TP63: variants seen among roughly 807,000 people sequenced by gnomAD.
The protein encoded by TP63 is tumor protein p63.
A neutral mutation model predicts 82.8 loss-of-function variants in TP63; 17 were observed. The observed-to-expected ratio is 0.21, with a 90% CI of 0.14 to 0.31. The LOEUF is 0.31. Ranked by LOEUF, TP63 falls within the 10% of genes least tolerant of loss-of-function variation. TP63 has a pLI of 1.00. For synonymous variants in TP63, 330 were observed against 321.7 expected (o/e 1.03, Z -0.28); for missense variants, 648 against 895.3 (o/e 0.72, Z 3.52).
the TP63 span, among the ~76,000 whole-genome samples, chr3:189,622,306 TTGAC>T: frequency 1.3e-5 from 2 of 152,208 alleles, no homozygotes; most frequent in Non-Finnish European, 2.9e-5. Flanking sequence ...TCTGAGATTT[TTGAC>T]TGCGCACAAA....
At chr3:189,642,211 T>A (rs756091303) in intron 1 of TP63, among the ~76,000 whole-genome samples, 13 of 152,224 alleles carry the variant, frequency 8.5e-5, no homozygotes, top group Admixed American at 2.6e-4. Context: ...TTAGCACTTT[T>A]TATTAACTAG....
At chr3:189,804,377 G>T (rs545618061) in intron 3 of TP63, among the ~76,000 whole-genome samples, 1 of 152,282 alleles carries the variant, frequency 6.6e-6, no homozygotes, top group South Asian at 2.1e-4. Context: ...GTCACACAGG[G>T]CCCTATCTTA....
At chr3:189,716,755 A>G (rs1361368824) in intron 1 of TP63, among the ~76,000 whole-genome samples, 2 of 151,690 alleles carry the variant, frequency 1.3e-5, no homozygotes, top group African/African-American at 4.8e-5. Context: ...CTACTTCATG[A>G]TAAGCACTTT....
intron 10 of TP63, among the ~76,000 whole-genome samples, chr3:189,882,282 A>G (rs547655695): frequency 1.3e-5 from 2 of 152,216 alleles, no homozygotes; most frequent in Admixed American, 6.5e-5. Flanking sequence ...TGACTTGTAT[A>G]TAAATGCACA....
At chr3:189,811,798 A>G (rs530224961) in intron 4 of TP63, among the ~76,000 whole-genome samples, 1 of 152,298 alleles carries the variant, frequency 6.6e-6, no homozygotes, top group Admixed American at 6.5e-5. Context: ...CCCTAATTCA[A>G]GTCTCTCCAC....
intron 3 of TP63, among the ~76,000 whole-genome samples, chr3:189,790,719 G>A (rs1001359591): frequency 2.0e-5 from 3 of 152,078 alleles, no homozygotes; most frequent in African/African-American, 7.2e-5. Flanking sequence ...GGGTTGTGGT[G>A]GGGAGTGTTG....
chr3:189,707,222 T>C (rs1365820324), intron 1 of TP63, among the ~76,000 whole-genome samples: 12 of 152,246 alleles, frequency 7.9e-5, no homozygotes, highest in Admixed American at 7.9e-4. Context: ...TTCTGTTCCT[T>C]TTCAAAATCT....
intron 1 of TP63, among the ~76,000 whole-genome samples, chr3:189,720,425 C>T (rs745764325): frequency 6.6e-6 from 1 of 152,136 alleles, no homozygotes; most frequent in Admixed American, 6.6e-5. Context: ...GCCTTAAAGA[C>T]CATCCTGTCT....
chr3:189,880,718 G>T, intron 10 of TP63: 2 of 985,402 alleles, frequency 2.0e-6, no homozygotes, highest in African/African-American at 1.7e-5. Context: ...AGAAACGAAG[G>T]TGTCAAGTGT....
chr3:189,864,541 CTT>C (rs10714778), intron 5 of TP63, 123 bp downstream of exon 5: 21,785 of 211,604 alleles, frequency 0.1, 3 homozygotes, highest in Middle Eastern at 0.15. Context: ...ATCAGTCTGC[CTT>C]TTTTTTTTTT....
the TP63 span, among the ~76,000 whole-genome samples, chr3:189,612,611 G>C: frequency 2.0e-5 from 3 of 152,228 alleles, no homozygotes; most frequent in Admixed American, 2.0e-4. Context: ...AAATGTGGAA[G>C]TGACTTTGGA....
At chr3:189,782,989 C>G (rs184061103) in intron 3 of TP63, among the ~76,000 whole-genome samples, 267 of 152,008 alleles carry the variant, frequency 1.8e-3, no homozygotes, top group Non-Finnish European at 3.3e-3. Context: ...ATCTATCAGG[C>G]TTTAAAATAT....
Position 189,894,576 on chromosome 3 carries a change from A to G in TP63, c.*74A>G. 1 of 1,557,694 alleles carries G rather than the reference A, an allele frequency of 6.4e-7. No homozygotes were observed. Among genetic ancestry groups the G allele is most frequent in the Non-Finnish European group, 8.7e-7 (1 of 1,145,590 alleles). On this transcript the variant is annotated 3_prime_UTR_variant, in exon 14 of 14. Coordinates refer to ENST00000264731, the MANE Select transcript of TP63 (RefSeq NM_003722.5). ...TAAAAGCACTCCTGCTTAATCTTCA[A>G]AGCCTTCTCCCTAGCTCCTCCCCTT...
At chr3:189,658,263 A>G (rs1713564721) in intron 1 of TP63, among the ~76,000 whole-genome samples, 1 of 152,116 alleles carries the variant, frequency 6.6e-6, no homozygotes, top group Non-Finnish European at 1.5e-5. Context: ...CCACACTAAT[A>G]TGAATAAATT....
upstream of TP63, among the ~76,000 whole-genome samples, chr3:189,628,458 C>T (rs1729367132): frequency 6.6e-6 from 1 of 152,050 alleles, no homozygotes; most frequent in Non-Finnish European, 1.5e-5. Flanking sequence ...TCCTAGGAGT[C>T]AAGAAGAACA....
chr3:189,864,791 G>A (rs1255251112), intron 5 of TP63, among the ~76,000 whole-genome samples: 1 of 151,970 alleles, frequency 6.6e-6, no homozygotes, highest in East Asian at 1.9e-4. Flanking sequence ...CAGATCATGA[G>A]GTCAGGAGAT....
chr3:189,838,913 A>G lies in TP63; in HGVS notation c.580-25319A>G, dbSNP rs73057253. Among the ~76,000 whole-genome samples the G allele has an allele frequency of 9.0e-3, 1,370 of 152,078 alleles. 19 individuals carry two copies. The highest frequency in any genetic ancestry group is 0.032 in the African/African-American group (1,320 of 41,478). ...GATAGTAGAGCCTTGAACTAAATTT[A>G]TCTCATTATTGTTCACTTGAAACCT... is the stretch of plus-strand genomic sequence containing the variant. On this transcript the variant is annotated intron_variant, in intron 4 of 13. Transcript: ENST00000264731.
rs116191373 is a variant in TP63 at position 189,813,952 on chromosome 3, C to T, written c.579+5426C>T. Among the ~76,000 whole-genome samples the T allele has an allele frequency of 2.2e-3, 335 of 151,274 alleles. 2 individuals carry two copies. The highest frequency in any genetic ancestry group is 7.8e-3 in the African/African-American group (325 of 41,474). ...TTGCCTTTCTTAACCATGCCAGCTTCGTGTCATGTTCAGAGCTGTGGAGAA... is the reference window on the plus strand; with the variant it reads ...TTGCCTTTCTTAACCATGCCAGCTTTGTGTCATGTTCAGAGCTGTGGAGAA... On this transcript the variant is annotated intron_variant, in intron 4 of 13. Coordinates refer to ENST00000264731, the MANE Select transcript of TP63 (RefSeq NM_003722.5).
At chr3:189,776,297 A>T (rs1272177993) in intron 3 of TP63, among the ~76,000 whole-genome samples, 1 of 152,158 alleles carries the variant, frequency 6.6e-6, no homozygotes, top group Non-Finnish European at 1.5e-5. Context: ...ATTCGTTTTC[A>T]TCCCTTATCT....
Sources: gnomAD v4.1 joint callset for allele counts (sites outside exome capture counted in the v4.1 genomes callset) on GRCh38, gnomAD v4.1.1 for gene constraint, MANE v1.5 for transcripts, NCBI Gene and HGNC (gene_info 2026-07-23, HGNC 2026-07-21) for gene names.